DMD: variants seen among roughly 807,000 people sequenced by gnomAD.
DMD encodes the protein mutant dystrophin.
In DMD, 63 loss-of-function variants were observed where a neutral mutation model predicts 330.1. The ratio of observed to expected loss-of-function variants is 0.19; its 90% confidence interval spans 0.16 to 0.24. The LOEUF is 0.24. Ranked by LOEUF, DMD falls within the 10% of genes least tolerant of loss-of-function variation. The pLI is 1.00. For synonymous variants in DMD, 1,223 were observed against 959.8 expected (o/e 1.27, Z -5.07); for missense variants, 3,344 against 2,684.1 (o/e 1.25, Z -5.43).
At chrX:32,824,081 G>A (rs950409393) in intron 4 of DMD, among the ~76,000 whole-genome samples, 3 of 111,844 alleles carry the variant, frequency 2.7e-5, no homozygotes, top group African/African-American at 9.7e-5. Context: ...TTATCATAAT[G>A]GTTAAAATTA....
intron 22 of DMD, among the ~76,000 whole-genome samples, 157 bp downstream of exon 22, chrX:32,472,007 G>A (rs982196473): frequency 8.0e-5 from 9 of 112,505 alleles, no homozygotes; most frequent in Non-Finnish European, 1.3e-4. Context: ...TAGAGTATAT[G>A]CATAAATAAT....
At chrX:32,110,994 C>A (rs1245978863) in intron 44 of DMD, among the ~76,000 whole-genome samples, 1 of 112,086 alleles carries the variant, frequency 8.9e-6, no homozygotes, top group East Asian at 2.8e-4. Flanking sequence ...AGACATTCTA[C>A]AAACAGTGAC....
At chrX:32,581,806 C>G (rs1290556108) in intron 13 of DMD, among the ~76,000 whole-genome samples, 4 of 111,621 alleles carry the variant, frequency 3.6e-5, no homozygotes, top group Non-Finnish European at 7.5e-5. Context: ...AAAGGAAAAA[C>G]TATGAATCAA....
At chrX:31,432,527 C>G (rs370876843) in intron 60 of DMD, among the ~76,000 whole-genome samples, 1 of 112,595 alleles carries the variant, frequency 8.9e-6, no homozygotes, top group Admixed American at 9.4e-5. Flanking sequence ...CAGACCTTAT[C>G]TCATTGCTTC....
At chrX:31,813,915 C>T (rs1471174) in intron 50 of DMD, among the ~76,000 whole-genome samples, 28,122 of 110,824 alleles carry the variant, frequency 0.25, 2,624 homozygotes, top group Middle Eastern at 0.29. Context: ...TAAAGTGTCA[C>T]TGGAGCACAG....
chrX:31,530,329 T>A (rs894507392), intron 55 of DMD, among the ~76,000 whole-genome samples: 1 of 111,947 alleles, frequency 8.9e-6, no homozygotes, highest in African/African-American at 3.2e-5. Context: ...TATGGTATAT[T>A]ATACACATCA....
At chrX:31,613,886 A>G (rs1442359260) in intron 55 of DMD, among the ~76,000 whole-genome samples, 1 of 112,051 alleles carries the variant, frequency 8.9e-6, no homozygotes, top group Non-Finnish European at 1.9e-5. Context: ...GAATCCATTC[A>G]AAAAGTACAT....
intron 42 of DMD, among the ~76,000 whole-genome samples, chrX:32,294,614 G>C (rs905881578): frequency 2.7e-5 from 3 of 111,396 alleles, no homozygotes; most frequent in African/African-American, 9.8e-5. Context: ...TATCTTAAAG[G>C]AGAAAAGCAA....
chrX:31,780,792 TTTC>T (rs1265024664), intron 50 of DMD, among the ~76,000 whole-genome samples: 10 of 112,086 alleles, frequency 8.9e-5, no homozygotes, highest in African/African-American at 2.9e-4. Flanking sequence ...TTTTGTCTGC[TTTC>T]TTTTCTGTCA....
chrX:33,334,473 T>C (rs1455138599), intron 1 of DMD, among the ~76,000 whole-genome samples: 1 of 111,361 alleles, frequency 9.0e-6, no homozygotes, highest in Non-Finnish European at 1.9e-5. Flanking sequence ...TATTCCTGCT[T>C]TGTGGCCCAC....
intron 20 of DMD, among the ~76,000 whole-genome samples, chrX:32,488,897 T>G (rs892576217): frequency 1.2e-4 from 13 of 111,054 alleles, no homozygotes; most frequent in African/African-American, 3.9e-4. Flanking sequence ...ATTCAGGTGC[T>G]TGGCCTTTAT....
rs770239251 is a variant in DMD, at chrX:31,562,834, G to A, written c.8218-55381C>T. On this transcript the variant is annotated intron_variant, in intron 55 of 78. Transcript: ENST00000357033. ...TTATAGCTTTTGAGTTTTGTGTCTTGTTTAGAAAACGTCTTCCTCATTCCA... is the reference window on the plus strand; with the variant it reads ...TTATAGCTTTTGAGTTTTGTGTCTTATTTAGAAAACGTCTTCCTCATTCCA... Among the ~76,000 whole-genome samples, 259 of 111,181 alleles carry A rather than the reference G, an allele frequency of 2.3e-3. 2 individuals are homozygous for A. Among genetic ancestry groups the A allele is most frequent in the African/African-American group, 8.1e-3 (248 of 30,630 alleles).
intron 47 of DMD, among the ~76,000 whole-genome samples, chrX:31,889,478 G>T (rs1416484033): frequency 9.1e-6 from 1 of 110,033 alleles, no homozygotes; most frequent in Non-Finnish European, 1.9e-5. Context: ...TTCTAAAATG[G>T]ATTTTATAGG....
intron 15 of DMD, among the ~76,000 whole-genome samples, chrX:32,570,306 G>C (rs1306128327): frequency 1.8e-5 from 2 of 111,873 alleles, no homozygotes; most frequent in Non-Finnish European, 3.8e-5. Flanking sequence ...GCCTGAGTCA[G>C]CAAAGGAATT....
At chrX:32,534,644 C>A (rs1055573100) in intron 17 of DMD, among the ~76,000 whole-genome samples, 2 of 111,424 alleles carry the variant, frequency 1.8e-5, no homozygotes, top group Admixed American at 9.5e-5. Context: ...CAGCCTAAGA[C>A]AACCTCCTTC....
chrX:32,396,719 T>A (rs926700119), intron 30 of DMD, among the ~76,000 whole-genome samples: 2 of 111,671 alleles, frequency 1.8e-5, no homozygotes, highest in African/African-American at 6.5e-5. Flanking sequence ...AATTATAAAA[T>A]AAAATGTCTT....
intron 1 of DMD, among the ~76,000 whole-genome samples, chrX:33,166,840 G>C (rs2049081909): frequency 9.2e-6 from 1 of 109,185 alleles, no homozygotes; most frequent in Non-Finnish European, 1.9e-5. Flanking sequence ...AACTGTCTAG[G>C]CTGCCTTTTA....
intron 48 of DMD, among the ~76,000 whole-genome samples, chrX:31,869,217 C>T (rs1329705170): frequency 9.0e-6 from 1 of 110,819 alleles, no homozygotes; most frequent in African/African-American, 3.3e-5. Flanking sequence ...TGGTAAATTA[C>T]CATTTTTGCT....
chrX:31,199,638 T>C (rs1037318569), intron 67 of DMD, among the ~76,000 whole-genome samples: 1 of 112,315 alleles, frequency 8.9e-6, no homozygotes, highest in African/African-American at 3.2e-5. Context: ...ACCTCTCTTC[T>C]TGCCACTACT....
Sources: gnomAD v4.1 joint callset for allele counts (sites outside exome capture counted in the v4.1 genomes callset) on GRCh38, gnomAD v4.1.1 for gene constraint, MANE v1.5 for transcripts, NCBI Gene and HGNC (gene_info 2026-07-23, HGNC 2026-07-21) for gene names.